Variants in BLM observed in about 807,000 individuals in gnomAD.
BLM encodes the protein recQ-like DNA helicase BLM.
BLM carries 95 observed loss-of-function variants against 135.3 expected under a neutral mutation model. The ratio of observed to expected loss-of-function variants is 0.70; its 90% CI spans 0.59 to 0.83. The LOEUF (loss-of-function observed/expected upper bound fraction) is 0.83. BLM is among the 40% of genes least tolerant of loss of function. BLM has a pLI of 0.00. For missense variants in BLM, 1,518 were observed against 1,663.9 expected, an observed-to-expected ratio of 0.91 and a Z score of 1.53; for synonymous variants, 520 against 589.2, an observed-to-expected ratio of 0.88 and a Z score of 1.70.
rs200364297 is a variant in BLM, at chr15:90,754,938, G to A, written c.1087G>A (p.Ala363Thr). Residue 363 changes from alanine to threonine, a missense_variant and splice_region_variant, in exon 5 of 22, where the codon GCT (alanine) becomes ACT (threonine). Around this residue, in one of 5 missense-constraint regions of BLM, gnomAD observed 724 missense variants for 756.9 expected, o/e 0.96. Transcript: ENST00000355112. The part of the protein sequence containing the change: ...LNPETSTDCD[A>T]RQISLQQQLI... ...TCCAGAAACCAGCACAGACTGTGAC[G>A]GTACAAGCAATATTTTAGACATACC... 4.2e-5 allele frequency: 68 copies of A among 1,613,450 alleles called. No individual in the cohort carries two copies. Among genetic ancestry groups the A allele is most frequent in the Middle Eastern group, 1.6e-4 (1 of 6,084 alleles).
chr15:90,782,755 G>A, intron 12 of BLM, 67 bp from the exon 13 acceptor site: 2 of 1,234,366 alleles, frequency 1.6e-6, no homozygotes, highest in Non-Finnish European at 2.4e-6. Context: ...GACACATGTA[G>A]TCTATAACAA....
At chr15:90,810,065 C>T (rs529704731) in intron 20 of BLM, among the ~76,000 whole-genome samples, 1 of 136,258 alleles carries the variant, frequency 7.3e-6, no homozygotes, top group Admixed American at 8.3e-5. Flanking sequence ...TCTCTCTTTA[C>T]CTAGTCGCTT....
Position 90,760,388 on chromosome 15 carries a change from A to G in BLM, c.1220+109A>G, listed in dbSNP as rs1410546062. On this transcript the variant is annotated intron_variant, in intron 6 of 21. Transcript: ENST00000355112. Reference sequence around the variant, plus strand: ...GGCTTTCTGGCCTGGAAATGGCATAAGGATGATCATCATGCCACTATGTTT... The same window carrying G: ...GGCTTTCTGGCCTGGAAATGGCATAGGGATGATCATCATGCCACTATGTTT... The G allele has an allele frequency of 4.2e-6, 6 of 1,427,626 alleles. No homozygotes were observed. In the African/African-American group the frequency reaches 7.0e-5, roughly 17 times the overall value. 88.4% of individuals were successfully genotyped at this position (1,427,626 alleles called of 1,614,324 possible). A position where few individuals can be genotyped will look rare whatever the true frequency, so the allele number is the denominator to read the frequency against.
At chr15:90,771,285 G>A (rs1262445660) in intron 12 of BLM, among the ~76,000 whole-genome samples, 4 of 152,236 alleles carry the variant, frequency 2.6e-5, no homozygotes, top group South Asian at 2.1e-4. Flanking sequence ...TCAGGAGTTC[G>A]AGACCAGCCT....
chr15:90,749,538 T>C lies in BLM; in HGVS notation c.270T>C (p.Phe90=), dbSNP rs1895607974. 1 of 1,614,044 alleles carries C rather than the reference T, an allele frequency of 6.2e-7. No homozygotes were observed. Among genetic ancestry groups the C allele is most frequent in the South Asian group, 1.1e-5 (1 of 91,088 alleles). Residue 90 remains phenylalanine, a synonymous_variant, in exon 3 of 22, where the codon TTT becomes TTC. Transcript: ENST00000355112. The part of the protein sequence containing the change: ...TTNQQRVKDF[F]KNAPAGQETQ... ...ATCAGCAAAGGGTCAAGGACTTCTT[T>C]AAAAATGCTCCAGCAGGACAGGAAA...
chr15:90,804,357 C>G lies in BLM; in HGVS notation c.3749C>G (p.Ala1250Gly). 6.2e-7 allele frequency: 1 copy of G among 1,612,816 alleles called. No homozygotes were observed. The highest frequency in any genetic ancestry group is 8.5e-7 in the Non-Finnish European group (1 of 1,178,824). The change falls in exon 19 of 22, where the codon GCA becomes GGA. Residue 1250 changes from alanine to glycine, a missense_variant and splice_region_variant. Ala to Gly is a moderately conservative substitution (Grantham distance 60). This residue lies in a region of BLM where 626 missense variants were observed against 681.1 expected (regional missense o/e 0.92). Transcript: ENST00000355112. Reference protein sequence around the residue: ...IFNTVTLKKLAESLSSDPEVL... With the variant: ...IFNTVTLKKLGESLSSDPEVL... The stretch of plus-strand genomic sequence containing the variant: ...AATACCGTCACTCTCAAGAAGCTTG[C>G]AGGTGGGTACACATGTATCCTTTGT...
chr15:90,752,694 G>T (rs1203356014), intron 4 of BLM, among the ~76,000 whole-genome samples: 1 of 152,088 alleles, frequency 6.6e-6, no homozygotes, highest in Non-Finnish European at 1.5e-5. Context: ...GTAGTATTAC[G>T]AGAAAAATAG....
chr15:90,759,767 C>T lies in BLM; in HGVS notation c.1088-380C>T, dbSNP rs545783854. ...GATTACAGACACGCACCACCATGCC[C>T]GGCTAATTTTTATATTATTAGTAAA... On this transcript the variant is annotated intron_variant, in intron 5 of 21. Coordinates refer to ENST00000355112, the MANE Select transcript of BLM (RefSeq NM_000057.4). Among the ~76,000 whole-genome samples, 149 of 151,780 alleles carry T rather than the reference C, an allele frequency of 9.8e-4. 1 individual carries two copies. The highest frequency in any genetic ancestry group is 3.4e-3 in the Middle Eastern group (1 of 290).
At chr15:90,736,966 A>T (rs771917783) in intron 1 of BLM, among the ~76,000 whole-genome samples, 1 of 152,264 alleles carries the variant, frequency 6.6e-6, no homozygotes, top group Non-Finnish European at 1.5e-5. Flanking sequence ...ATGTAGTTTT[A>T]ACTTTTAGAA....
chr15:90,801,104 G>A (rs2677725), intron 17 of BLM, among the ~76,000 whole-genome samples: 7,089 of 150,942 alleles, frequency 0.047, 232 homozygotes, highest in Non-Finnish European at 0.067. Context: ...AGCTAAGATC[G>A]CACCACTGCA....
intron 14 of BLM, 52 bp from the exon 15 acceptor site, chr15:90,790,597 T>G: frequency 6.5e-7 from 1 of 1,530,120 alleles, no homozygotes; most frequent in Non-Finnish European, 9.1e-7. Flanking sequence ...TATGAAAATG[T>G]TCCTTCAAGT....
chr15:90,798,579 G>C (rs1386508174), intron 17 of BLM, among the ~76,000 whole-genome samples: 1 of 152,208 alleles, frequency 6.6e-6, no homozygotes, highest in Non-Finnish European at 1.5e-5. Flanking sequence ...GAGTTCATCT[G>C]AGTGGGTGGA....
chr15:90,750,218 T>C, intron 3 of BLM, 151 bp downstream of exon 3: 1 of 844,724 alleles, frequency 1.2e-6, no homozygotes, highest in Non-Finnish European at 1.9e-6. Context: ...TTGGCCACAT[T>C]TTTGAGGCAG....
At chr15:90,740,932 A>G (rs1284543203) in intron 1 of BLM, among the ~76,000 whole-genome samples, 1 of 152,076 alleles carries the variant, frequency 6.6e-6, no homozygotes, top group Non-Finnish European at 1.5e-5. Context: ...TTTATAAATT[A>G]CCCACTCTCA....
At chr15:90,754,335 T>C (rs1435667224) in intron 4 of BLM, among the ~76,000 whole-genome samples, 6 of 152,222 alleles carry the variant, frequency 3.9e-5, no homozygotes, top group East Asian at 1.9e-4. Flanking sequence ...CAAAAACACA[T>C]GTACATATAT....
At chr15:90,804,798 T>C (rs1897250934) in intron 19 of BLM, among the ~76,000 whole-genome samples, 1 of 152,196 alleles carries the variant, frequency 6.6e-6, no homozygotes. Flanking sequence ...TTATTTAATC[T>C]CTGGATTAAA....
intron 16 of BLM, among the ~76,000 whole-genome samples, chr15:90,797,480 T>A (rs1815563276): frequency 6.6e-6 from 1 of 151,338 alleles, no homozygotes; most frequent in Non-Finnish European, 1.5e-5. Flanking sequence ...GCACTTTTTC[T>A]TGATGACTCT....
chr15:90,778,225 C>G (rs1418009338), intron 12 of BLM, among the ~76,000 whole-genome samples: 1 of 152,152 alleles, frequency 6.6e-6, no homozygotes, highest in African/African-American at 2.4e-5. Context: ...ACTTTATGTT[C>G]TAATCTCATG....
At chr15:90,804,570 C>T (rs1897245914) in intron 19 of BLM, among the ~76,000 whole-genome samples, 1 of 151,928 alleles carries the variant, frequency 6.6e-6, no homozygotes, top group African/African-American at 2.4e-5. Context: ...CTCAAGTGAT[C>T]TTCCCACCTC....
Sources: allele counts gnomAD v4.1 joint callset (sites outside exome capture counted in the v4.1 genomes callset), GRCh38; gene constraint gnomAD v4.1.1; regional missense constraint gnomAD v4.1.1; transcripts MANE v1.5; gene names NCBI Gene and HGNC (gene_info 2026-07-23, HGNC 2026-07-21).